UBASH3B: variants seen among roughly 807,000 people sequenced by gnomAD.
UBASH3B encodes ubiquitin associated and SH3 domain containing B, also known as ubiquitin-associated and SH3 domain-containing protein B.
In UBASH3B, 37 loss-of-function variants were observed where a neutral mutation model predicts 83.4. The observed-to-expected ratio is 0.44, with a 90% CI of 0.34 to 0.58. UBASH3B has a LOEUF of 0.58. Among genes scored for constraint, UBASH3B ranks in the 20% least tolerant of loss-of-function variants. The pLI, the probability that UBASH3B is intolerant of heterozygous loss-of-function variation, is 0.01. For missense variants in UBASH3B, 657 were observed against 827.2 expected, an observed-to-expected ratio of 0.79 and a Z score of 2.52; for synonymous variants, 304 against 318.3, an observed-to-expected ratio of 0.96 and a Z score of 0.48.
At chr11:122,736,895 A>T (rs1328096958) in intron 1 of UBASH3B, among the ~76,000 whole-genome samples, 1 of 152,158 alleles carries the variant, frequency 6.6e-6, no homozygotes, top group East Asian at 1.9e-4. Flanking sequence ...AAATGAAATG[A>T]AATGGAATGA....
chr11:122,737,622 C>G (rs1489109765), intron 1 of UBASH3B, among the ~76,000 whole-genome samples: 2 of 147,384 alleles, frequency 1.4e-5, no homozygotes, highest in South Asian at 4.3e-4. Context: ...TTTTTTTTTT[C>G]ATTCTGCATG....
chr11:122,671,631 C>A (rs1863593840), intron 1 of UBASH3B, among the ~76,000 whole-genome samples: 1 of 152,256 alleles, frequency 6.6e-6, no homozygotes, highest in Admixed American at 6.5e-5. Flanking sequence ...ATCCATCAGG[C>A]CTTGGCAGGG....
chr11:122,769,242 G>C (rs939908028), intron 1 of UBASH3B, among the ~76,000 whole-genome samples: 1 of 152,148 alleles, frequency 6.6e-6, no homozygotes, highest in African/African-American at 2.4e-5. Context: ...AAGCTGCCAG[G>C]CTCTTTTCAA....
At chr11:122,809,640 T>C in intron 13 of UBASH3B, 109 bp from the exon 14 acceptor site, 1 of 1,193,612 alleles carries the variant, frequency 8.4e-7, no homozygotes, top group South Asian at 1.5e-5. Context: ...CCACTATCCA[T>C]TTCTGACTGC....
intron 1 of UBASH3B, among the ~76,000 whole-genome samples, chr11:122,667,337 C>T (rs1030900606): frequency 5.3e-5 from 8 of 152,100 alleles, no homozygotes; most frequent in South Asian, 2.1e-4. Flanking sequence ...TGAGCCGCCG[C>T]GCCCAGTCCA....
intron 4 of UBASH3B, 37 bp from the exon 5 acceptor site, chr11:122,783,016 A>G (rs1565563715): frequency 6.3e-7 from 1 of 1,595,952 alleles, no homozygotes; most frequent in Non-Finnish European, 8.5e-7. Flanking sequence ...TATCATCACC[A>G]CCTTTTAATT....
intron 1 of UBASH3B, among the ~76,000 whole-genome samples, chr11:122,731,703 G>C (rs1481630935): frequency 6.6e-6 from 1 of 152,218 alleles, no homozygotes; most frequent in Non-Finnish European, 1.5e-5. Context: ...TTGGAAACTT[G>C]TGAGTTGTTT....
In UBASH3B at chr11:122,797,113, A is replaced by T. The variant is rs1026923234; in HGVS notation, c.1357+80A>T. ...CACTGGTACCATGGATATGCAAGAC[A>T]CTTCCTGTGGGTTTCTATAACTTTC... On this transcript the variant is annotated intron_variant, in intron 9 of 13. Coordinates refer to ENST00000284273, the MANE Select transcript of UBASH3B (RefSeq NM_032873.5). The T allele has an allele frequency of 2.7e-6, 4 of 1,496,130 alleles. No homozygotes were observed. In the Admixed American group the frequency reaches 9.2e-5, roughly 34 times the overall value. 92.7% of individuals were successfully genotyped at this position (1,496,130 alleles called of 1,614,324 possible). A position where few individuals can be genotyped will look rare whatever the true frequency, so the allele number is the denominator to read the frequency against.
intron 3 of UBASH3B, among the ~76,000 whole-genome samples, chr11:122,778,601 CTTTTTCT>C (rs1860784678): frequency 1.5e-5 from 1 of 68,810 alleles, no homozygotes; most frequent in African/African-American, 6.0e-5. Context: ...TTTTTTTTTT[CTTTTTCT>C]TTTTTTTTTT....
chr11:122,707,820 G>A (rs1450207235), intron 1 of UBASH3B, among the ~76,000 whole-genome samples: 9 of 151,782 alleles, frequency 5.9e-5, no homozygotes, highest in Admixed American at 2.0e-4. Flanking sequence ...TGCCACAGCC[G>A]AGTAGCTGGG....
chr11:122,694,565 T>C (rs1863937585), intron 1 of UBASH3B, among the ~76,000 whole-genome samples: 1 of 152,080 alleles, frequency 6.6e-6, no homozygotes, highest in South Asian at 2.1e-4. Context: ...AGCAAGACTC[T>C]GTCTCTAAAA....
At chr11:122,735,923 CAG>C (rs1860925002) in intron 1 of UBASH3B, among the ~76,000 whole-genome samples, 1 of 152,308 alleles carries the variant, frequency 6.6e-6, no homozygotes, top group South Asian at 2.1e-4. Flanking sequence ...CTGTAGGTAA[CAG>C]GGAGTCCCTG....
At chr11:122,756,225 C>T (rs902310726) in intron 1 of UBASH3B, among the ~76,000 whole-genome samples, 4 of 152,208 alleles carry the variant, frequency 2.6e-5, no homozygotes, top group Non-Finnish European at 4.4e-5. Context: ...ATTGAGTCCT[C>T]TTTGTAGTCC....
At chr11:122,776,064 C>A (rs1325895271) in intron 1 of UBASH3B, 155 bp from the exon 2 acceptor site, 1 of 613,320 alleles carries the variant, frequency 1.6e-6, no homozygotes, top group Non-Finnish European at 2.8e-6. Context: ...TTGATATGAC[C>A]CTTGGGGGAA....
In UBASH3B at chr11:122,810,518, GCCCTTCTTGCTACAGCCCTA is replaced by G. The variant is rs1306023389; in HGVS notation, c.*633_*652del. On this transcript the variant is annotated 3_prime_UTR_variant, in exon 14 of 14. Coordinates refer to ENST00000284273, the MANE Select transcript of UBASH3B (RefSeq NM_032873.5). ...TGCCACATTTTCTCTAGAGCAGCTGGCCCTTCTTGCTACAGCCCTATCCCCCCTCCTTGCTTCTGTGAAAT... is the reference window on the plus strand; with the variant it reads ...TGCCACATTTTCTCTAGAGCAGCTGGTCCCCCCTCCTTGCTTCTGTGAAAT... The G allele has an allele frequency of 6.6e-6, 1 of 151,716 alleles. No individual in the cohort carries two copies. Among genetic ancestry groups the G allele is most frequent in the Non-Finnish European group, 1.5e-5 (1 of 68,058 alleles). The allele number at this position is 151,716 out of a possible 1,614,324, so 9.4% of individuals were successfully genotyped here.
chr11:122,804,212 A>G (rs1285199067), intron 11 of UBASH3B, among the ~76,000 whole-genome samples: 2 of 152,062 alleles, frequency 1.3e-5, no homozygotes, highest in Non-Finnish European at 2.9e-5. Flanking sequence ...GAACTGGGTG[A>G]GAGGTGGGGA....
intron 1 of UBASH3B, among the ~76,000 whole-genome samples, chr11:122,729,954 G>A (rs1203030465): frequency 3.9e-5 from 5 of 128,622 alleles, no homozygotes; most frequent in African/African-American, 1.5e-4. Flanking sequence ...TCCAGCCTGG[G>A]TGACAGAGTG....
In UBASH3B at chr11:122,656,181, C is replaced by T. The variant is rs1161513565; in HGVS notation, c.132C>T (p.Leu44=). Residue 44 remains leucine, a synonymous_variant, in exon 1 of 14, where the codon CTC becomes CTT. Coordinates refer to ENST00000284273, the MANE Select transcript of UBASH3B (RefSeq NM_032873.5). ...AGCATGGATCGGCGCTGGACGTGCT[C>T]CTCTCCATGGGGTTCCCCAGAGCCC... ...TIKHGSALDV[L]LSMGFPRARA... 1.3e-6 allele frequency: 2 copies of T among 1,544,564 alleles called. No individual in the cohort carries two copies. Among genetic ancestry groups the T allele is most frequent in the Non-Finnish European group, 8.7e-7 (1 of 1,147,416 alleles).
intron 1 of UBASH3B, among the ~76,000 whole-genome samples, chr11:122,762,754 C>T (rs1042164402): frequency 6.6e-6 from 1 of 152,218 alleles, no homozygotes; most frequent in African/African-American, 2.4e-5. Flanking sequence ...GAATCCCATA[C>T]ATTCCTTAAG....
Sources: gnomAD v4.1 joint callset for allele counts (sites outside exome capture counted in the v4.1 genomes callset) on GRCh38, gnomAD v4.1.1 for gene constraint, MANE v1.5 for transcripts, NCBI Gene and HGNC (gene_info 2026-07-23, HGNC 2026-07-21) for gene names.